Variants in COL4A2 observed in about 807,000 individuals in gnomAD.
COL4A2 encodes collagen alpha-2(IV) chain.
Under a neutral mutation model 200.2 loss-of-function variants are expected in COL4A2, and 99 were observed. The ratio of observed to expected loss-of-function variants is 0.49; its 90% confidence interval spans 0.42 to 0.58. COL4A2 has a LOEUF of 0.58. Ranked by LOEUF, COL4A2 falls within the 20% of genes least tolerant of loss-of-function variation. The pLI is 0.00. For missense variants in COL4A2, 1,950 were observed against 2,314.1 expected (o/e 0.84, Z 3.23); for synonymous variants, 897 against 900.6 (o/e 1.00, Z 0.07).
intron 3 of COL4A2, among the ~76,000 whole-genome samples, chr13:110,317,852 T>A (rs1480834402): frequency 6.6e-6 from 1 of 152,206 alleles, no homozygotes; most frequent in Non-Finnish European, 1.5e-5. Flanking sequence ...ACTGAAACGC[T>A]ATGGGCAAAA....
At chr13:110,314,839 G>C (rs1885090286) in intron 3 of COL4A2, among the ~76,000 whole-genome samples, 2 of 152,212 alleles carry the variant, frequency 1.3e-5, no homozygotes. Flanking sequence ...TGGGCCACAG[G>C]GACGGGCAGG....
At chr13:110,460,831 A>G (rs1311252509) in intron 22 of COL4A2, among the ~76,000 whole-genome samples, 3 of 152,166 alleles carry the variant, frequency 2.0e-5, no homozygotes, top group Non-Finnish European at 2.9e-5. Flanking sequence ...CCATATACCC[A>G]ACGTGTATTG....
chr13:110,393,483 G>C (rs1879067897), intron 4 of COL4A2, among the ~76,000 whole-genome samples: 1 of 151,966 alleles, frequency 6.6e-6, no homozygotes, highest in African/African-American at 2.4e-5. Context: ...TTCTTTGTCT[G>C]AGTAGTGAGG....
intron 3 of COL4A2, among the ~76,000 whole-genome samples, 184 bp from the exon 4 acceptor site, chr13:110,357,288 T>C (rs978388298): frequency 2.0e-5 from 3 of 152,128 alleles, no homozygotes; most frequent in African/African-American, 7.2e-5. Flanking sequence ...GACCTTACAC[T>C]CGATTTTGCT....
At chr13:110,447,629 C>T (rs1394401802) in intron 18 of COL4A2, among the ~76,000 whole-genome samples, 1 of 152,152 alleles carries the variant, frequency 6.6e-6, no homozygotes, top group African/African-American at 2.4e-5. Context: ...GGATCATTGG[C>T]CCATGTTATA....
At chr13:110,361,345 G>A (rs143424774) in intron 4 of COL4A2, among the ~76,000 whole-genome samples, 48 of 152,320 alleles carry the variant, frequency 3.2e-4, no homozygotes, top group African/African-American at 1.1e-3. Flanking sequence ...GCTGGACAGA[G>A]CTTGCTGTCG....
intron 4 of COL4A2, among the ~76,000 whole-genome samples, chr13:110,380,990 T>C (rs1166498445): frequency 6.9e-6 from 1 of 145,974 alleles, no homozygotes; most frequent in Non-Finnish European, 1.5e-5. Flanking sequence ...ACCCACAGGC[T>C]CTATGTCACA....
At chr13:110,497,397 T>C (rs1883494006) in intron 40 of COL4A2, among the ~76,000 whole-genome samples, 1 of 148,832 alleles carries the variant, frequency 6.7e-6, no homozygotes, top group Non-Finnish European at 1.5e-5. Context: ...CAACCTCCAC[T>C]CAGGACTGAG....
chr13:110,410,124 T>G (rs1312998419), intron 4 of COL4A2, among the ~76,000 whole-genome samples: 1 of 152,224 alleles, frequency 6.6e-6, no homozygotes, highest in Admixed American at 6.5e-5. Context: ...AATTGGGATC[T>G]GGCTTTTACT....
chr13:110,427,251 G>A (rs996388296), intron 6 of COL4A2, among the ~76,000 whole-genome samples: 4 of 152,154 alleles, frequency 2.6e-5, no homozygotes, highest in Admixed American at 2.6e-4. Context: ...CTGTGCTCAA[G>A]CAATTCTCAT....
chr13:110,433,812 A>G (rs2139461915), intron 11 of COL4A2, among the ~76,000 whole-genome samples: 1 of 152,334 alleles, frequency 6.6e-6, no homozygotes, highest in South Asian at 2.1e-4. Flanking sequence ...CGTGGCTACT[A>G]CGTTCGTGAA....
chr13:110,428,018 G>T (rs1014926624), intron 6 of COL4A2, among the ~76,000 whole-genome samples: 1 of 152,146 alleles, frequency 6.6e-6, no homozygotes, highest in African/African-American at 2.4e-5. Flanking sequence ...TCCCTGAGAA[G>T]GAGGTAGCTG....
At chr13:110,458,180 G>A in intron 21 of COL4A2, 1 of 463,592 alleles carries the variant, frequency 2.2e-6, no homozygotes, top group South Asian at 1.6e-5. Context: ...GGCACCGCAG[G>A]ACCTGGAGGA....
Position 110,307,729 on chromosome 13 carries a change from A to T in COL4A2, c.-44-131A>T. Reference sequence around the variant, plus strand: ...TCCTTCTTTCCGGGTCGTGGGGGGGACGGCCCTCCGGTCACCCCTGCATGC... The same window carrying T: ...TCCTTCTTTCCGGGTCGTGGGGGGGTCGGCCCTCCGGTCACCCCTGCATGC... On this transcript the variant is annotated intron_variant, in intron 1 of 47. Transcript: ENST00000360467. The surrounding 1 kb of genome is among the most constrained non-coding windows in gnomAD (Gnocchi z 5.0). The T allele has an allele frequency of 2.5e-6, 2 of 801,998 alleles. No homozygotes were observed. The highest frequency in any genetic ancestry group is 3.1e-5 in the Admixed American group (1 of 32,080). 49.7% of individuals were successfully genotyped at this position (801,998 alleles called of 1,614,324 possible).
At chr13:110,321,947 A>G (rs920613158) in intron 3 of COL4A2, among the ~76,000 whole-genome samples, 4 of 152,238 alleles carry the variant, frequency 2.6e-5, no homozygotes, top group Non-Finnish European at 4.4e-5. Context: ...TTACAATTCA[A>G]GGTGAGATTT....
chr13:110,486,963 G>T (rs1037739758), intron 34 of COL4A2, among the ~76,000 whole-genome samples: 1 of 152,230 alleles, frequency 6.6e-6, no homozygotes, highest in Admixed American at 6.5e-5. Flanking sequence ...GGTCACAGGG[G>T]ATATGATTGC....
chr13:110,442,721 T>C (rs1881173319), intron 16 of COL4A2, among the ~76,000 whole-genome samples: 1 of 146,068 alleles, frequency 6.8e-6, no homozygotes, highest in Admixed American at 7.0e-5. Context: ...TTATATTCAA[T>C]TTTCTGATAA....
intron 3 of COL4A2, among the ~76,000 whole-genome samples, chr13:110,353,961 A>G (rs1877076728): frequency 6.6e-6 from 1 of 152,224 alleles, no homozygotes; most frequent in South Asian, 2.1e-4. Context: ...CCTAGTTCCA[A>G]AAGTAAGAAT....
At chr13:110,415,556 C>T (rs190349919) in intron 4 of COL4A2, among the ~76,000 whole-genome samples, 100 of 152,316 alleles carry the variant, frequency 6.6e-4, no homozygotes, top group African/African-American at 2.4e-3. Context: ...TCTTACTTGG[C>T]CAATGTGGTG....
Sources: gnomAD v4.1 joint callset for allele counts (sites outside exome capture counted in the v4.1 genomes callset) on GRCh38, gnomAD v4.1.1 for gene constraint, Gnocchi (gnomAD v3.1) non-coding constraint, MANE v1.5 for transcripts, NCBI Gene and HGNC (gene_info 2026-07-23, HGNC 2026-07-21) for gene names.